CADM2: variants seen among roughly 807,000 people sequenced by gnomAD.
The protein encoded by CADM2 is immunoglobulin superfamily member 4D.
A neutral mutation model predicts 49.8 loss-of-function variants in CADM2; 12 were observed. The ratio of observed to expected loss-of-function variants is 0.24; its 90% CI spans 0.15 to 0.39. CADM2 has a LOEUF of 0.39. CADM2 is among the 10% of genes least tolerant of loss of function. The probability of loss-of-function intolerance (pLI) is 1.00; values close to 1 mark genes in which losing one functional copy is unlikely to be tolerated. For missense variants in CADM2, 378 were observed against 492.3 expected, an observed-to-expected ratio of 0.77 and a Z score of 2.20; for synonymous variants, 214 against 175.4, an observed-to-expected ratio of 1.22 and a Z score of -1.74.
At chr3:85,807,273 CGGATCACCTGAGGTCA>C (rs2072494528) in intron 3 of CADM2, among the ~76,000 whole-genome samples, 1 of 151,812 alleles carries the variant, frequency 6.6e-6, no homozygotes. Context: ...CTGTGGCAGG[CGGATCACCTGAGGTCA>C]GGAGTTTGAG....
intron 1 of CADM2, among the ~76,000 whole-genome samples, chr3:85,149,443 T>G (rs2039852423): frequency 6.6e-6 from 1 of 152,172 alleles, no homozygotes; most frequent in Non-Finnish European, 1.5e-5. Flanking sequence ...ATTAATAAAT[T>G]GAGCCGGGCA....
chr3:85,869,465 A>C (rs2075838138), intron 3 of CADM2, among the ~76,000 whole-genome samples: 1 of 152,094 alleles, frequency 6.6e-6, no homozygotes. Context: ...TAAATGTATT[A>C]GTTCTTAGCC....
At chr3:84,964,453 T>C (rs1295389880) in intron 1 of CADM2, among the ~76,000 whole-genome samples, 3 of 152,176 alleles carry the variant, frequency 2.0e-5, no homozygotes, top group Non-Finnish European at 4.4e-5. Context: ...ATATGGATGT[T>C]TTATTTGATC....
chr3:85,689,559 G>A (rs141444899), intron 1 of CADM2, among the ~76,000 whole-genome samples: 177 of 152,272 alleles, frequency 1.2e-3, no homozygotes, highest in African/African-American at 3.4e-3. Flanking sequence ...GAATTATTGA[G>A]GGATGGGTTA....
intron 1 of CADM2, among the ~76,000 whole-genome samples, chr3:85,705,803 T>C (rs920338498): frequency 2.6e-5 from 4 of 152,216 alleles, no homozygotes; most frequent in Non-Finnish European, 5.9e-5. Flanking sequence ...AATTGGAGTC[T>C]ACTTTAAATT....
chr3:85,876,262 C>T (rs1711823514), intron 3 of CADM2, among the ~76,000 whole-genome samples: 1 of 151,900 alleles, frequency 6.6e-6, no homozygotes, highest in Non-Finnish European at 1.5e-5. Flanking sequence ...TAGTACTTGT[C>T]TATAAAATAT....
rs189492881 is a variant in CADM2 at position 85,339,807 on chromosome 3, C to G, written c.61+380139C>G. On this transcript the variant is annotated intron_variant, in intron 1 of 9. Coordinates refer to ENST00000383699, the MANE Select transcript of CADM2 (RefSeq NM_001167675.2). ...GCAGAAATGGTAAAGAAAAAATATA[C>G]TGAAAGCTGTATAACCAGTGATTCT... Among the ~76,000 whole-genome samples, 1,046 of 151,536 alleles carry G rather than the reference C, an allele frequency of 6.9e-3. 2 individuals are homozygous for G. Among genetic ancestry groups the G allele is most frequent in the Middle Eastern group, 0.014 (4 of 294 alleles).
chr3:85,498,879 C>T (rs1332669650), intron 1 of CADM2, among the ~76,000 whole-genome samples: 1 of 152,068 alleles, frequency 6.6e-6, no homozygotes, highest in Non-Finnish European at 1.5e-5. Flanking sequence ...GTGTACAATA[C>T]ATATACTCAG....
intron 1 of CADM2, among the ~76,000 whole-genome samples, chr3:85,360,796 G>GGTT: frequency 6.6e-6 from 1 of 152,146 alleles, no homozygotes; most frequent in South Asian, 2.1e-4. Context: ...GTTACAAACT[G>GGTT]GTGTTCTTAA....
chr3:85,787,709 A>G (rs1187244273), intron 2 of CADM2, among the ~76,000 whole-genome samples: 2 of 152,116 alleles, frequency 1.3e-5, no homozygotes, highest in Non-Finnish European at 2.9e-5. Flanking sequence ...AAATTAGAAA[A>G]CAGCATTTTC....
At chr3:85,345,331 A>AG (rs1382586897) in intron 1 of CADM2, among the ~76,000 whole-genome samples, 99 of 150,206 alleles carry the variant, frequency 6.6e-4, no homozygotes, top group African/African-American at 2.4e-3. Flanking sequence ...AAAAAAAAAA[A>AG]AAAGAAAGAA....
intron 7 of CADM2, among the ~76,000 whole-genome samples, chr3:85,940,404 A>G (rs1721750449): frequency 6.6e-6 from 1 of 152,018 alleles, no homozygotes; most frequent in Non-Finnish European, 1.5e-5. Context: ...GTACCTTTTT[A>G]CAAATCACAG....
intron 1 of CADM2, among the ~76,000 whole-genome samples, chr3:85,015,181 T>C (rs1413690507): frequency 5.9e-5 from 9 of 152,196 alleles, no homozygotes; most frequent in East Asian, 1.9e-4. Flanking sequence ...ATAATAGATG[T>C]GTAATTTTAT....
intron 1 of CADM2, among the ~76,000 whole-genome samples, chr3:85,335,264 C>A (rs2045047008): frequency 6.6e-6 from 1 of 151,542 alleles, no homozygotes; most frequent in Non-Finnish European, 1.5e-5. Flanking sequence ...ACATCAGTCA[C>A]CTACTAATTT....
chr3:86,011,871 G>GA (rs1285934710), intron 8 of CADM2, among the ~76,000 whole-genome samples: 2 of 152,088 alleles, frequency 1.3e-5, no homozygotes, highest in South Asian at 2.1e-4. Context: ...TTAATTGTAA[G>GA]AAAAAATATA....
intron 1 of CADM2, among the ~76,000 whole-genome samples, chr3:85,057,592 G>A (rs533058016): frequency 9.7e-4 from 147 of 151,702 alleles, no homozygotes; most frequent in Admixed American, 1.5e-3. Flanking sequence ...TTTTTTCTTT[G>A]TCATTAACAT....
At chr3:85,166,696 C>T (rs537898902) in intron 1 of CADM2, among the ~76,000 whole-genome samples, 11 of 151,936 alleles carry the variant, frequency 7.2e-5, no homozygotes, top group East Asian at 3.9e-4. Context: ...GTTGCCAGAT[C>T]GGGAGATCCT....
In CADM2 at chr3:85,777,867, C is replaced by T. The variant is rs576549068; in HGVS notation, c.89-24180C>T. ...ACCATCAGAAATAATGAACAATTTT[C>T]GTGAAGCAAACTCTAATGTCAAAGT... is the stretch of plus-strand genomic sequence containing the variant. On this transcript the variant is annotated intron_variant, in intron 2 of 9. Transcript: ENST00000383699. 8.5e-5 allele frequency among the ~76,000 whole-genome samples: 13 copies of T among 152,142 alleles called. No homozygotes were observed. In the East Asian group the frequency reaches 1.2e-3, roughly 14 times the overall value.
At chr3:86,057,534 T>A (rs1738135138) in intron 8 of CADM2, among the ~76,000 whole-genome samples, 1 of 152,210 alleles carries the variant, frequency 6.6e-6, no homozygotes, top group Admixed American at 6.5e-5. Context: ...ATTCATTCAC[T>A]CAATTTGCTT....
Sources: allele counts gnomAD v4.1 joint callset (sites outside exome capture counted in the v4.1 genomes callset), GRCh38; gene constraint gnomAD v4.1.1; transcripts MANE v1.5; gene names NCBI Gene and HGNC (gene_info 2026-07-23, HGNC 2026-07-21).